The following PDE3B variants were observed in gnomAD, a reference collection of about 807,000 sequenced individuals.
The protein encoded by PDE3B is cGMP-inhibited 3',5'-cyclic phosphodiesterase 3B.
In PDE3B, 66 loss-of-function variants were observed where a neutral mutation model predicts 116.8. The observed-to-expected ratio is 0.56, with a 90% CI of 0.46 to 0.69. PDE3B has a LOEUF of 0.69. Among genes scored for constraint, PDE3B ranks in the 30% least tolerant of loss-of-function variants. The pLI, the probability that PDE3B is intolerant of heterozygous loss-of-function variation, is 0.00. For missense variants in PDE3B, 1,384 were observed against 1,368.1 expected, an observed-to-expected ratio of 1.01 and a Z score of -0.18; for synonymous variants, 595 against 533.6, an observed-to-expected ratio of 1.12 and a Z score of -1.59.
chr11:14,734,423 T>C (rs914269478), intron 1 of PDE3B, among the ~76,000 whole-genome samples: 2 of 152,224 alleles, frequency 1.3e-5, no homozygotes, highest in Non-Finnish European at 2.9e-5. Flanking sequence ...TTATAACTTA[T>C]AGGTTGTTCT....
At chr11:14,806,308 C>T (rs1333764854) in intron 5 of PDE3B, among the ~76,000 whole-genome samples, 27 of 150,458 alleles carry the variant, frequency 1.8e-4, no homozygotes, top group African/African-American at 5.9e-4. Flanking sequence ...ATCAGCTGGG[C>T]GTGGTGGCAG....
At chr11:14,776,689 A>T (rs1284706496) in intron 2 of PDE3B, 1 of 151,650 alleles carries the variant, frequency 6.6e-6, no homozygotes, top group African/African-American at 2.4e-5. Context: ...AAAAATTCAG[A>T]CACACCTAAA....
At chr11:14,766,854 A>T (rs1393205351) in intron 1 of PDE3B, among the ~76,000 whole-genome samples, 1 of 151,728 alleles carries the variant, frequency 6.6e-6, no homozygotes, top group African/African-American at 2.4e-5. Context: ...CATGTTTTGT[A>T]GTATGAATTT....
At chr11:14,737,484 C>G (rs1312659601) in intron 1 of PDE3B, among the ~76,000 whole-genome samples, 2 of 152,210 alleles carry the variant, frequency 1.3e-5, no homozygotes, top group Non-Finnish European at 2.9e-5. Context: ...AGGCGTGAGC[C>G]ACTGCATCCG....
intron 15 of PDE3B, 52 bp downstream of exon 15, chr11:14,867,810 C>T: frequency 1.4e-6 from 2 of 1,474,354 alleles, no homozygotes; most frequent in South Asian, 1.3e-5. Flanking sequence ...TTGAGTATTC[C>T]AAGTCTGAAA....
chr11:14,671,053 G>A (rs865990706), intron 1 of PDE3B, among the ~76,000 whole-genome samples: 10 of 151,944 alleles, frequency 6.6e-5, no homozygotes, highest in Admixed American at 3.9e-4. Flanking sequence ...CAGGTATTGC[G>A]CTGGATACTG....
intron 13 of PDE3B, 110 bp downstream of exon 13, chr11:14,859,356 A>C: frequency 1.5e-6 from 1 of 652,220 alleles, no homozygotes. Context: ...GGAAGTAACA[A>C]TAAATAGTTG....
intron 14 of PDE3B, among the ~76,000 whole-genome samples, chr11:14,863,535 T>TA (rs1847988411): frequency 1.3e-5 from 2 of 152,004 alleles, no homozygotes; most frequent in Non-Finnish European, 2.9e-5. Flanking sequence ...AAGGAAAAAA[T>TA]GTTAAGGGCA....
chr11:14,815,567 C>G (rs1859299153), intron 5 of PDE3B, among the ~76,000 whole-genome samples: 1 of 152,112 alleles, frequency 6.6e-6, no homozygotes, highest in Non-Finnish European at 1.5e-5. Context: ...TGGCTGCTTA[C>G]TTCATGGAGC....
chr11:14,701,644 T>C (rs1811995913), intron 1 of PDE3B, among the ~76,000 whole-genome samples: 2 of 151,828 alleles, frequency 1.3e-5, no homozygotes, highest in South Asian at 4.1e-4. Flanking sequence ...TTTCTTATGA[T>C]AATTGAAGAG....
downstream of PDE3B, among the ~76,000 whole-genome samples, chr11:14,874,564 T>G (rs1848172489): frequency 6.6e-6 from 1 of 152,176 alleles, no homozygotes; most frequent in African/African-American, 2.4e-5. Flanking sequence ...AATTAAAAAT[T>G]TAGCTTGTAC....
At chr11:14,717,941 G>A (rs1194673889) in intron 1 of PDE3B, among the ~76,000 whole-genome samples, 14 of 145,588 alleles carry the variant, frequency 9.6e-5, no homozygotes, top group Non-Finnish European at 1.2e-4. Context: ...AAATGTAAAT[G>A]GACTAAATGC....
At chr11:14,813,652 C>A (rs1174872287) in intron 5 of PDE3B, among the ~76,000 whole-genome samples, 2 of 152,196 alleles carry the variant, frequency 1.3e-5, no homozygotes, top group Non-Finnish European at 2.9e-5. Context: ...TGCAATCTAA[C>A]ATATAGGTTC....
At chr11:14,891,850 A>T in the PDE3B span, 2 of 1,414,172 alleles carry the variant, frequency 1.4e-6, no homozygotes, top group African/African-American at 1.4e-5. Context: ...GGTGTCCCTC[A>T]AAGGGCAGCC....
Position 14,693,250 on chromosome 11 carries a change from G to A in PDE3B, c.978+48197G>A, listed in dbSNP as rs535281519. On this transcript the variant is annotated intron_variant, in intron 1 of 15. Transcript: ENST00000282096. ...TATCTCCATAACATAAAAGTGCAAG[G>A]TGAAGCAGCAAGTGCTGATGGAGAA... Among the ~76,000 whole-genome samples the A allele has an allele frequency of 4.6e-5, 7 of 152,324 alleles. No individual in the cohort carries two copies. In the South Asian group the frequency reaches 6.2e-4, roughly 14 times the overall value.
chr11:14,874,402 G>A (rs76803998), downstream of PDE3B, among the ~76,000 whole-genome samples: 55 of 152,190 alleles, frequency 3.6e-4, no homozygotes, highest in East Asian at 8.1e-3. Context: ...TCATGTGACT[G>A]TAAGGACTTA....
At chr11:14,859,314 T>C (rs1847905176) in intron 13 of PDE3B, 68 bp downstream of exon 13, 1 of 1,104,248 alleles carries the variant, frequency 9.1e-7, no homozygotes, top group East Asian at 2.5e-5. Flanking sequence ...AAAATATGTT[T>C]TTTAATGTTA....
intron 7 of PDE3B, among the ~76,000 whole-genome samples, chr11:14,824,129 C>G (rs574657628): frequency 6.6e-6 from 1 of 152,306 alleles, no homozygotes; most frequent in South Asian, 2.1e-4. Context: ...TACTCTAGCA[C>G]AAACACGCTG....
chr11:14,784,934 A>G (rs1276027819), intron 2 of PDE3B, among the ~76,000 whole-genome samples: 1 of 152,138 alleles, frequency 6.6e-6, no homozygotes, highest in Non-Finnish European at 1.5e-5. Flanking sequence ...TTGCAAACAA[A>G]AATTGTTTTT....
Sources: allele counts gnomAD v4.1 joint callset (sites outside exome capture counted in the v4.1 genomes callset), GRCh38; gene constraint gnomAD v4.1.1; transcripts MANE v1.5; gene names NCBI Gene and HGNC (gene_info 2026-07-23, HGNC 2026-07-21).